The following HNF4G variants were observed in gnomAD, a reference collection of about 807,000 sequenced individuals.
HNF4G encodes hepatocyte nuclear factor 4-gamma.
A neutral mutation model predicts 50.9 loss-of-function variants in HNF4G; 21 were observed. The ratio of observed to expected loss-of-function variants is 0.41; its 90% CI spans 0.29 to 0.59. The LOEUF (loss-of-function observed/expected upper bound fraction) is 0.59, where lower values mean the gene tolerates loss of function less well. Ranked by LOEUF, HNF4G falls within the 20% of genes least tolerant of loss-of-function variation. HNF4G has a pLI of 0.26. For missense variants in HNF4G, 527 were observed against 559.4 expected (o/e 0.94, Z 0.58); for synonymous variants, 198 against 185.6 (o/e 1.07, Z -0.54).
At chr8:75,555,945 T>A (rs1807106958) in intron 5 of HNF4G, 37 bp from the exon 6 acceptor site, 1 of 1,107,524 alleles carries the variant, frequency 9.0e-7, no homozygotes, top group Non-Finnish European at 1.3e-6. Flanking sequence ...TCATTATATA[T>A]TATAATTAAT....
chr8:75,466,551 C>G (rs1811977937), intron 1 of HNF4G, among the ~76,000 whole-genome samples: 1 of 147,688 alleles, frequency 6.8e-6, no homozygotes, highest in South Asian at 2.2e-4. Context: ...CCTCCTCCTT[C>G]TTCTCTTCTC....
chr8:75,535,588 G>A (rs1463275678), upstream of HNF4G, among the ~76,000 whole-genome samples: 1 of 151,780 alleles, frequency 6.6e-6, no homozygotes, highest in Non-Finnish European at 1.5e-5. Flanking sequence ...ATGTGCTTTG[G>A]AGATTGATAT....
chr8:75,535,225 CTTTG>C (rs958235399), upstream of HNF4G, among the ~76,000 whole-genome samples: 1 of 151,714 alleles, frequency 6.6e-6, no homozygotes, highest in Non-Finnish European at 1.5e-5. Context: ...AAATACCCAT[CTTTG>C]TTTGTTGTAA....
At chr8:75,466,615 T>A (rs1227121469) in intron 1 of HNF4G, among the ~76,000 whole-genome samples, 2 of 113,828 alleles carry the variant, frequency 1.8e-5, no homozygotes, top group South Asian at 3.3e-4. Context: ...CTTCCTTCCT[T>A]CCTTCCTTCC....
intron 2 of HNF4G, among the ~76,000 whole-genome samples, chr8:75,547,321 G>A (rs1228576639): frequency 6.6e-6 from 1 of 152,192 alleles, no homozygotes; most frequent in Non-Finnish European, 1.5e-5. Context: ...TGGCTTTCAT[G>A]ACTCATGATA....
intron 1 of HNF4G, among the ~76,000 whole-genome samples, chr8:75,431,695 A>AG (rs925711158): frequency 2.0e-5 from 3 of 152,140 alleles, no homozygotes; most frequent in African/African-American, 4.8e-5. Flanking sequence ...TGGGAGGCTG[A>AG]GGGGGGTGGA....
chr8:75,521,190 C>T (rs560076201), intron 2 of HNF4G, among the ~76,000 whole-genome samples: 11 of 152,210 alleles, frequency 7.2e-5, no homozygotes, highest in African/African-American at 2.4e-4. Context: ...AGGTTTAAAA[C>T]TGTTAAAAAG....
At chr8:75,449,514 T>TTC (rs1227667896) in intron 1 of HNF4G, among the ~76,000 whole-genome samples, 1 of 146,088 alleles carries the variant, frequency 6.8e-6, no homozygotes, top group African/African-American at 2.5e-5. Context: ...TTTTTCTTTT[T>TTC]TTTTTTTTTT....
intron 1 of HNF4G, among the ~76,000 whole-genome samples, chr8:75,421,664 T>A (rs1033574001): frequency 2.6e-5 from 4 of 152,100 alleles, no homozygotes; most frequent in Admixed American, 6.6e-5. Context: ...CAAACTTGAG[T>A]GGGCATCAGA....
intron 2 of HNF4G, among the ~76,000 whole-genome samples, chr8:75,521,681 T>C (rs1313680454): frequency 1.3e-5 from 2 of 152,228 alleles, no homozygotes; most frequent in Admixed American, 6.5e-5. Context: ...TTTTACTTGA[T>C]ATATCTTGTT....
chr8:75,419,201 A>C (rs1411267139), intron 1 of HNF4G, among the ~76,000 whole-genome samples: 1 of 152,206 alleles, frequency 6.6e-6, no homozygotes, highest in East Asian at 1.9e-4. Context: ...TTAAACAACA[A>C]TGCCAAAGTA....
chr8:75,444,241 C>T lies in HNF4G; in HGVS notation c.-144+36079C>T, dbSNP rs1354840208. On this transcript the variant is annotated intron_variant, in intron 1 of 10. Transcript: ENST00000354370. ...ACAAGCAAATGCTGAGAGATTTTGT[C>T]ACCACCAAGCCTGCCCTAAAAGAGC... 9.9e-4 allele frequency among the ~76,000 whole-genome samples: 150 copies of T among 151,894 alleles called. No homozygotes were observed. In the East Asian group the frequency reaches 0.022, roughly 22 times the overall value.
intron 1 of HNF4G, among the ~76,000 whole-genome samples, chr8:75,412,684 C>T (rs59620304): frequency 0.011 from 1,639 of 151,698 alleles, 33 homozygotes; most frequent in African/African-American, 0.036. Context: ...TGCTTATGCT[C>T]TTGGCTGACT....
chr8:75,511,184 C>T (rs1223697670), intron 2 of HNF4G, among the ~76,000 whole-genome samples: 1 of 152,062 alleles, frequency 6.6e-6, no homozygotes, highest in Admixed American at 6.6e-5. Context: ...TTTGGGATTT[C>T]ATTTTATGAT....
intron 1 of HNF4G, among the ~76,000 whole-genome samples, chr8:75,458,369 C>CTTTTTTT (rs61411885): frequency 3.4e-5 from 4 of 117,104 alleles, no homozygotes; most frequent in Admixed American, 1.8e-4. Flanking sequence ...AATGGTCTAA[C>CTTTTTTT]TTTTTTTTTT....
At chr8:75,411,779 C>T (rs1043007988) in intron 1 of HNF4G, among the ~76,000 whole-genome samples, 1 of 152,140 alleles carries the variant, frequency 6.6e-6, no homozygotes, top group Non-Finnish European at 1.5e-5. Flanking sequence ...CCCAGTTATT[C>T]ACTAAATGGG....
chr8:75,531,068 A>G (rs754043844), intron 2 of HNF4G, among the ~76,000 whole-genome samples: 11 of 152,124 alleles, frequency 7.2e-5, no homozygotes, highest in Admixed American at 2.6e-4. Flanking sequence ...TGCTGGGATT[A>G]CAGGTGTGAG....
At chr8:75,548,134 A>C (rs1033564204) in intron 3 of HNF4G, among the ~76,000 whole-genome samples, 5 of 151,712 alleles carry the variant, frequency 3.3e-5, no homozygotes, top group African/African-American at 9.7e-5. Context: ...ACAGGTGCGC[A>C]TCATCACGCC....
chr8:75,430,473 G>GGA (rs1284776832), intron 1 of HNF4G, among the ~76,000 whole-genome samples: 25 of 113,010 alleles, frequency 2.2e-4, no homozygotes, highest in African/African-American at 8.6e-4. Context: ...GGGGTAGGGA[G>GGA]TAGAGAGAGA....
Sources: gnomAD v4.1 joint callset for allele counts (sites outside exome capture counted in the v4.1 genomes callset) on GRCh38, gnomAD v4.1.1 for gene constraint, MANE v1.5 for transcripts, NCBI Gene and HGNC (gene_info 2026-07-23, HGNC 2026-07-21) for gene names.